IDUA: variants seen among roughly 807,000 people sequenced by gnomAD.
The protein encoded by IDUA is iduronidase alpha-L-.
In IDUA, 65 loss-of-function variants were observed where a neutral mutation model predicts 68.9. The observed-to-expected ratio is 0.94, with a 90% CI of 0.77 to 1.16. The LOEUF is 1.16. Among genes scored for constraint, IDUA ranks in the 50% most tolerant of loss-of-function variants. The pLI is 0.00. For missense variants in IDUA, 1,046 were observed against 938.0 expected (o/e 1.12, Z -1.50); for synonymous variants, 529 against 433.6 (o/e 1.22, Z -2.73).
rs199652725 is a variant in IDUA at position 1,000,874 on chromosome 4, T to C, written c.386-8T>C. 3.4e-5 allele frequency: 54 copies of C among 1,610,362 alleles called. No individual in the cohort carries two copies. In the African/African-American group the frequency reaches 7.1e-4, roughly 21 times the overall value. On this transcript the variant is annotated splice_region_variant and splice_polypyrimidine_tract_variant and intron_variant, in intron 3 of 13. Coordinates refer to ENST00000514224, the MANE Select transcript of IDUA (RefSeq NM_000203.5). Reference sequence around the variant, plus strand: ...GGTGGGCGGTGGGGCAGCCCTCCTGTGTTCCAGGGTTTGAGCTGATGGGCA... The same window carrying C: ...GGTGGGCGGTGGGGCAGCCCTCCTGCGTTCCAGGGTTTGAGCTGATGGGCA...
chr4:987,920 C>T lies in IDUA; in HGVS notation c.270C>T (p.Thr90=), dbSNP rs1307291779. Residue 90 remains threonine, a synonymous_variant, in exon 2 of 14, where the codon ACC becomes ACT. Transcript: ENST00000514224. ...VPHRGIKQVR[T]HWLLELVTTR... The stretch of plus-strand genomic sequence containing the variant: ...ACCGCGGCATCAAGCAGGTCCGGAC[C>T]CACTGGCTGCTGGAGCTTGTCACCA... 1 of 1,597,904 alleles carries T rather than the reference C, an allele frequency of 6.3e-7. No homozygotes were observed. Among genetic ancestry groups the T allele is most frequent in the Non-Finnish European group, 8.5e-7 (1 of 1,172,942 alleles).
intron 2 of IDUA, chr4:991,251 G>A (rs566741514): frequency 3.5e-5 from 56 of 1,612,394 alleles, no homozygotes; most frequent in Middle Eastern, 1.7e-4. Flanking sequence ...GCTGCAGGCC[G>A]TCCTGGGAGG....
intron 4 of IDUA, 67 bp from the exon 5 acceptor site, chr4:1,001,401 C>T: frequency 2.3e-6 from 3 of 1,332,048 alleles, no homozygotes; most frequent in Non-Finnish European, 3.2e-6. Context: ...ACCTTGCACC[C>T]TCCCTCCGTG....
Position 1,003,374 on chromosome 4 carries a change from A to G in IDUA, c.1554A>G (p.Leu518=). The change falls in exon 11 of 14, where the codon TTA becomes TTG. Residue 518 remains leucine, a synonymous_variant. Coordinates refer to ENST00000514224, the MANE Select transcript of IDUA (RefSeq NM_000203.5). The stretch of plus-strand genomic sequence containing the variant: ...CGGTGGCCGCGGCGCCCCGCCCCTT[A>G]CCCGCCGGCGGCCGCCTGACCCTGC... ...EDPVAAAPRP[L]PAGGRLTLRP... 2 of 1,487,560 alleles carry G rather than the reference A, an allele frequency of 1.3e-6. No homozygotes were observed. The highest frequency in any genetic ancestry group is 1.8e-6 in the Non-Finnish European group (2 of 1,128,340). 92.1% of individuals were successfully genotyped at this position (1,487,560 alleles called of 1,614,324 possible).
At chr4:1,001,440 C>G in intron 4 of IDUA, 28 bp from the exon 5 acceptor site, 2 of 1,594,792 alleles carry the variant, frequency 1.3e-6, no homozygotes, top group South Asian at 2.2e-5. Context: ...TTCACCTGTG[C>G]TGGGGGGACA....
At chr4:995,345 TTC>T (rs1341605351) in intron 2 of IDUA, among the ~76,000 whole-genome samples, 29 of 151,094 alleles carry the variant, frequency 1.9e-4, no homozygotes, top group Non-Finnish European at 3.0e-5. Flanking sequence ...GCCCGGCCAG[TTC>T]TGTCTCAAAA....
At chr4:990,068 G>A in intron 2 of IDUA, 1 of 1,600,986 alleles carries the variant, frequency 6.2e-7, no homozygotes, top group Non-Finnish European at 8.5e-7. Flanking sequence ...GTGGGCAGCG[G>A]CACCCTCAGG....
chr4:1,003,230 C>T (rs1409423974), intron 10 of IDUA, 73 bp downstream of exon 10: 26 of 1,277,036 alleles, frequency 2.0e-5, no homozygotes, highest in Admixed American at 4.3e-5. Flanking sequence ...GGGGCGGGGG[C>T]TCCGAGGCGG....
intron 8 of IDUA, 111 bp from the exon 9 acceptor site, chr4:1,002,620 TG>T: frequency 3.5e-6 from 4 of 1,156,378 alleles, no homozygotes; most frequent in Non-Finnish European, 4.7e-6. Flanking sequence ...TGGCGGGGCC[TG>T]GGGACTCCTT....
intron 9 of IDUA, 43 bp downstream of exon 9, chr4:1,002,987 CTG>C: frequency 7.1e-7 from 1 of 1,413,862 alleles, no homozygotes; most frequent in Admixed American, 3.0e-5. Flanking sequence ...CGCTGGGGCT[CTG>C]GAGGGGGCGG....
At position 1,002,307 on chromosome 4, in the gene IDUA, C is replaced by G; in HGVS notation, c.1011C>G (p.Thr337=). 1 of 1,612,976 alleles carries G rather than the reference C, an allele frequency of 6.2e-7. No individual in the cohort carries two copies. Among genetic ancestry groups the G allele is most frequent in the Non-Finnish European group, 8.5e-7 (1 of 1,179,644 alleles). The change falls in exon 8 of 14, where the codon ACC becomes ACG. Residue 337 remains threonine (T), a synonymous_variant. Transcript: ENST00000514224. ...ATCAGAACCTGCTACTGGCCAACAC[C>G]ACCTCCGCCTTCCCCTACGCGCTCC... ...AQHQNLLLAN[T]TSAFPYALLS...
In IDUA at chr4:1,002,264, C is replaced by T. The variant is rs1346544094; in HGVS notation, c.973-5C>T. 6.2e-7 allele frequency: 1 copy of T among 1,608,846 alleles called. No homozygotes were observed. The highest frequency in any genetic ancestry group is 1.7e-5 in the Admixed American group (1 of 59,616). On this transcript the variant is annotated splice_region_variant and splice_polypyrimidine_tract_variant and intron_variant, in intron 7 of 13. Coordinates refer to ENST00000514224, the MANE Select transcript of IDUA (RefSeq NM_000203.5). ...CCCGGTCCCAGCTGCCCTGGACACC[C>T]GCAGGTCATCGCGCAGCATCAGAAC... is the stretch of plus-strand genomic sequence containing the variant.
chr4:990,062 G>A lies in IDUA; in HGVS notation c.299+2113G>A. On this transcript the variant is annotated intron_variant, in intron 2 of 13. Transcript: ENST00000514224. ...ACCACGATGACCAGCAGCTCCGTGG[G>A]CAGCGGCACCCTCAGGCGGTGTCGG... The A allele has an allele frequency of 1.2e-6, 2 of 1,601,738 alleles. No individual in the cohort carries two copies. The highest frequency in any genetic ancestry group is 1.7e-6 in the Non-Finnish European group (2 of 1,176,146).
rs868460406 is a variant in IDUA, at chr4:1,003,095, C to T, written c.1462C>T (p.Arg488Trp). The T allele has an allele frequency of 8.6e-6, 13 of 1,519,146 alleles. No individual in the cohort carries two copies. Among genetic ancestry groups the T allele is most frequent in the Non-Finnish European group, 1.1e-5 (12 of 1,141,834 alleles). 94.1% of individuals were successfully genotyped at this position (1,519,146 alleles called of 1,614,324 possible). ...GCTCTGCAGCCCCGACGGCGAGTGG[C>T]GGCGCCTGGGCCGGCCCGTCTTCCC... ...NGLCSPDGEW[R>W]RLGRPVFPTA... The change falls in exon 10 of 14, where the codon CGG (arginine) becomes TGG (tryptophan). Residue 488 changes from arginine (R) to tryptophan (W), a missense_variant. Physicochemically the swap from Arg to Trp is moderately radical, Grantham distance 101. Coordinates refer to ENST00000514224, the MANE Select transcript of IDUA (RefSeq NM_000203.5).
At chr4:1,002,591 C>T in intron 8 of IDUA, 106 bp downstream of exon 8, 1 of 1,235,628 alleles carries the variant, frequency 8.1e-7, no homozygotes, top group South Asian at 1.8e-5. Flanking sequence ...CCGCGCGCTT[C>T]CCGGGGTCGG....
At chr4:999,153 C>A (rs951905021) in intron 2 of IDUA, among the ~76,000 whole-genome samples, 2 of 151,034 alleles carry the variant, frequency 1.3e-5, no homozygotes, top group African/African-American at 2.4e-5. Flanking sequence ...TGCAGTGAGC[C>A]GAGATCGCGC....
intron 2 of IDUA, chr4:992,113 G>A (rs1325494932): frequency 4.0e-6 from 2 of 496,692 alleles, no homozygotes; most frequent in East Asian, 1.1e-4. Context: ...AACGGGGCAG[G>A]AACAGGCTGG....
In IDUA at chr4:989,637, G is replaced by C. The variant is rs758993299; in HGVS notation, c.299+1688G>C. ...CCAGCACGCTTCGCTGTAGGTCGTG[G>C]AACAGCGGTGCCAGCGCCAGCAGCA... On this transcript the variant is annotated intron_variant, in intron 2 of 13. Transcript: ENST00000514224. 1 of 1,596,572 alleles carries C rather than the reference G, an allele frequency of 6.3e-7. No homozygotes were observed. Among genetic ancestry groups the C allele is most frequent in the East Asian group, 2.3e-5 (1 of 44,184 alleles).
At position 1,000,995 on chromosome 4, in the gene IDUA, C is replaced by G. The variant is rs376738689; in HGVS notation, c.493+6C>G. 96 of 1,599,474 alleles carry G rather than the reference C, an allele frequency of 6.0e-5. No individual in the cohort carries two copies. The African/African-American group carries it at 1.2e-3, about 20-fold the overall frequency. ...CCTGGCCAGGAGATACATCGGTGGG[C>G]GAGCGCAGGCCCTGGGGCCCTGGCC... On this transcript the variant is annotated splice_donor_region_variant and intron_variant, in intron 4 of 13. Transcript: ENST00000514224.
Sources: gnomAD v4.1 joint callset for allele counts (sites outside exome capture counted in the v4.1 genomes callset) on GRCh38, gnomAD v4.1.1 for gene constraint, MANE v1.5 for transcripts, NCBI Gene and HGNC (gene_info 2026-07-23, HGNC 2026-07-21) for gene names.